The following GREB1L variants were observed in gnomAD, a reference collection of about 807,000 sequenced individuals.
The protein encoded by GREB1L is GREB1-like protein.
GREB1L carries 17 observed loss-of-function variants against 200.8 expected under a neutral mutation model. The observed-to-expected ratio is 0.08, with a 90% CI of 0.06 to 0.13. The LOEUF is 0.13. Among genes scored for constraint, GREB1L ranks in the 10% least tolerant of loss-of-function variants. GREB1L has a pLI of 1.00. For synonymous variants in GREB1L, 789 were observed against 893.0 expected (o/e 0.88, Z 2.08); for missense variants, 1,657 against 2,367.7 (o/e 0.70, Z 6.23).
chr18:21,248,825 C>T (rs1165289374), intron 1 of GREB1L, among the ~76,000 whole-genome samples: 1 of 152,208 alleles, frequency 6.6e-6, no homozygotes, highest in Admixed American at 6.5e-5. Flanking sequence ...ATTTCAAGCA[C>T]TCAATAGCTG....
chr18:21,469,053 T>C (rs542309099), intron 15 of GREB1L, among the ~76,000 whole-genome samples: 84 of 152,354 alleles, frequency 5.5e-4, no homozygotes, highest in Non-Finnish European at 1.1e-3. Flanking sequence ...GTTTCTTCTT[T>C]GGAAGTGATT....
intron 15 of GREB1L, among the ~76,000 whole-genome samples, chr18:21,459,144 G>A (rs375816017): frequency 2.0e-5 from 3 of 152,038 alleles, no homozygotes; most frequent in South Asian, 2.1e-4. Context: ...CCAGAGAGAC[G>A]TATTTGTCTG....
intron 28 of GREB1L, among the ~76,000 whole-genome samples, chr18:21,515,093 A>G (rs2037370502): frequency 6.6e-6 from 1 of 152,200 alleles, no homozygotes; most frequent in Non-Finnish European, 1.5e-5. Flanking sequence ...CACAATTACC[A>G]GAACTGGGAA....
chr18:21,313,824 C>T (rs1416718511), intron 1 of GREB1L, among the ~76,000 whole-genome samples: 1 of 152,172 alleles, frequency 6.6e-6, no homozygotes, highest in East Asian at 1.9e-4. Flanking sequence ...GTACTTGGCT[C>T]AGGTTTATGT....
chr18:21,288,310 ATC>A (rs1369055885), intron 1 of GREB1L, among the ~76,000 whole-genome samples: 1 of 151,958 alleles, frequency 6.6e-6, no homozygotes, highest in Admixed American at 6.6e-5. Context: ...ATGGGTGTGA[ATC>A]TCTCTGTGGA....
intron 7 of GREB1L, among the ~76,000 whole-genome samples, chr18:21,428,176 G>C (rs1210927549): frequency 6.3e-5 from 7 of 110,636 alleles, no homozygotes; most frequent in African/African-American, 1.0e-4. Context: ...CGGCCTGGGC[G>C]ACAGAGCGAG....
chr18:21,409,981 C>T (rs1190671134), intron 7 of GREB1L, among the ~76,000 whole-genome samples: 1 of 152,040 alleles, frequency 6.6e-6, no homozygotes, highest in Admixed American at 6.6e-5. Context: ...TAGTACCAGA[C>T]AAATGCCTGG....
rs2037647266 is a variant in GREB1L at position 21,524,170 on chromosome 18, C to A, written c.*1349C>A. 1 of 152,138 alleles carries A rather than the reference C, an allele frequency of 6.6e-6. No homozygotes were observed. The highest frequency in any genetic ancestry group is 1.5e-5 in the Non-Finnish European group (1 of 68,004). 9.4% of individuals were successfully genotyped at this position (152,138 alleles called of 1,614,324 possible). On this transcript the variant is annotated 3_prime_UTR_variant, in exon 33 of 33. Coordinates refer to ENST00000424526, the MANE Select transcript of GREB1L (RefSeq NM_001142966.3). ...AATGGCCATTTTTACTTGAATCAAT[C>A]TTGTTTGTGACCTGAAACTACTGAG...
At position 21,499,841 on chromosome 18, in the gene GREB1L, G is replaced by C; in HGVS notation, c.3504G>C (p.Gly1168=). The C allele has an allele frequency of 6.4e-7, 1 of 1,551,496 alleles. No individual in the cohort carries two copies. The highest frequency in any genetic ancestry group is 1.4e-5 in the African/African-American group (1 of 73,140). ...CCACCAGCTTGGGGCTGGATGAAGG[G>C]GTCTCCGCCAGCTCAGCTGGAGCCG... The part of the protein sequence containing the change: ...SPATSLGLDE[G]VSASSAGAGA... Residue 1168 remains glycine (G), a synonymous_variant, in exon 22 of 33, where the codon GGG becomes GGC. Transcript: ENST00000424526.
chr18:21,477,512 T>C (rs2035748794), intron 17 of GREB1L, among the ~76,000 whole-genome samples, 156 bp downstream of exon 17: 1 of 152,122 alleles, frequency 6.6e-6, no homozygotes, highest in Non-Finnish European at 1.5e-5. Context: ...TCTGGCTGGG[T>C]GCGGTGGCTC....
chr18:21,446,288 G>A (rs936619323), intron 11 of GREB1L, among the ~76,000 whole-genome samples: 7 of 152,202 alleles, frequency 4.6e-5, no homozygotes, highest in African/African-American at 1.7e-4. Context: ...GGCTCCCAAA[G>A]TTGGGATTAC....
At chr18:21,278,405 T>A (rs868717399) in intron 1 of GREB1L, among the ~76,000 whole-genome samples, 48 of 142,558 alleles carry the variant, frequency 3.4e-4, no homozygotes, top group Non-Finnish European at 4.4e-4. Context: ...AATAAATAAA[T>A]AAATAAATAA....
intron 27 of GREB1L, 123 bp from the exon 28 acceptor site, chr18:21,513,698 C>G: frequency 2.3e-6 from 2 of 863,484 alleles, no homozygotes; most frequent in Non-Finnish European, 3.6e-6. Flanking sequence ...TTGGTTGGCT[C>G]CCACCTGCAT....
At chr18:21,314,737 G>T (rs1193586659) in intron 1 of GREB1L, among the ~76,000 whole-genome samples, 1 of 152,162 alleles carries the variant, frequency 6.6e-6, no homozygotes, top group African/African-American at 2.4e-5. Flanking sequence ...ACTTAACTCT[G>T]CAGTGTTAAT....
intron 4 of GREB1L, 51 bp downstream of exon 4, chr18:21,384,454 G>A (rs2040452754): frequency 2.9e-6 from 4 of 1,390,780 alleles, no homozygotes; most frequent in Non-Finnish European, 3.9e-6. Context: ...AATATTGTCT[G>A]ACATATTTCT....
chr18:21,468,024 GAAA>G (rs371165102), intron 15 of GREB1L, among the ~76,000 whole-genome samples: 2 of 93,994 alleles, frequency 2.1e-5, no homozygotes, highest in Admixed American at 1.1e-4. Context: ...GACTCCATCT[GAAA>G]AAAAAAAAAA....
intron 2 of GREB1L, among the ~76,000 whole-genome samples, chr18:21,379,405 C>T (rs2143939365): frequency 6.6e-6 from 1 of 152,210 alleles, no homozygotes; most frequent in East Asian, 1.9e-4. Flanking sequence ...CGGGTTTCTC[C>T]ATGTTGGTCA....
chr18:21,382,995 G>A (rs1452668447), intron 2 of GREB1L, among the ~76,000 whole-genome samples: 10 of 152,028 alleles, frequency 6.6e-5, no homozygotes, highest in South Asian at 2.1e-4. Context: ...GAAAACGCTC[G>A]TCTTGCTTTC....
At chr18:21,479,616 C>A (rs1430763563) in intron 17 of GREB1L, among the ~76,000 whole-genome samples, 1 of 151,306 alleles carries the variant, frequency 6.6e-6, no homozygotes, top group Non-Finnish European at 1.5e-5. Flanking sequence ...TAGGTCAAGG[C>A]TGCAGTGAGC....
Sources: allele counts gnomAD v4.1 joint callset (sites outside exome capture counted in the v4.1 genomes callset), GRCh38; gene constraint gnomAD v4.1.1; transcripts MANE v1.5; gene names NCBI Gene and HGNC (gene_info 2026-07-23, HGNC 2026-07-21).